ZNF529: variants seen among roughly 807,000 people sequenced by gnomAD.
ZNF529 encodes zinc finger protein 529.
Under a neutral mutation model 10.1 loss-of-function variants are expected in ZNF529, and 11 were observed. The observed-to-expected ratio is 1.09, with a 90% CI of 0.69 to 1.81. ZNF529 has a LOEUF of 1.81. Ranked by LOEUF, ZNF529 falls within the 40% of genes most tolerant of loss-of-function variation. ZNF529 has a pLI of 0.00. For synonymous variants in ZNF529, 204 were observed against 215.7 expected (o/e 0.95, Z 0.47); for missense variants, 624 against 666.8 (o/e 0.94, Z 0.71).
intron 2 of ZNF529, among the ~76,000 whole-genome samples, chr19:36,571,397 G>A (rs1036225641): frequency 3.9e-5 from 6 of 152,144 alleles, no homozygotes; most frequent in East Asian, 1.9e-4. Flanking sequence ...GTTTAAAGCC[G>A]GGCGCAGTGG....
intron 2 of ZNF529, among the ~76,000 whole-genome samples, chr19:36,558,991 AAAG>A (rs2035581821): frequency 6.6e-6 from 1 of 152,030 alleles, no homozygotes; most frequent in East Asian, 1.9e-4. Context: ...ACATTTTTGC[AAAG>A]AAGATATACA....
At chr19:36,595,513 T>C (rs1282658329) in intron 1 of ZNF529, among the ~76,000 whole-genome samples, 2 of 151,992 alleles carry the variant, frequency 1.3e-5, no homozygotes, top group Non-Finnish European at 1.5e-5. Flanking sequence ...CTAGACAACA[T>C]AGCAAGATCC....
intron 2 of ZNF529, among the ~76,000 whole-genome samples, chr19:36,561,111 G>A (rs548418824): frequency 2.6e-5 from 4 of 152,264 alleles, no homozygotes; most frequent in African/African-American, 7.2e-5. Context: ...CCCACAGTGC[G>A]AGGGCCTTGA....
rs868378019 is a variant in ZNF529, at chr19:36,571,070, C to T, written c.14+1263G>A. ...TTTTCACTTTTCCTAAGCTAATTAACACAGGATTACCTTTAATTTTAATTA... is the reference window on the plus strand; with the variant it reads ...TTTTCACTTTTCCTAAGCTAATTAATACAGGATTACCTTTAATTTTAATTA... On this transcript the variant is annotated intron_variant, in intron 2 of 4. Transcript: ENST00000591340. Among the ~76,000 whole-genome samples, 13 of 152,220 alleles carry T rather than the reference C, an allele frequency of 8.5e-5. No homozygotes were observed. The South Asian group carries it at 1.2e-3, about 15-fold the overall frequency.
chr19:36,562,219 A>T (rs115574447), intron 2 of ZNF529, among the ~76,000 whole-genome samples: 4 of 151,396 alleles, frequency 2.6e-5, no homozygotes, highest in Non-Finnish European at 4.4e-5. Context: ...GCCCAGGGGA[A>T]AAAAAAAAAG....
At chr19:36,574,908 T>C, upstream of ZNF529, 1 of 471,194 alleles carries the variant, frequency 2.1e-6, no homozygotes, top group Non-Finnish European at 4.4e-6. Flanking sequence ...TTGGTAAGTT[T>C]ACATTTAACT....
chr19:36,592,284 C>CAAA (rs35717465), intron 1 of ZNF529, among the ~76,000 whole-genome samples: 57 of 49,772 alleles, frequency 1.1e-3, no homozygotes, highest in East Asian at 2.6e-3. Context: ...GACTTTGTCT[C>CAAA]AAAAAAAAAA....
intron 2 of ZNF529, among the ~76,000 whole-genome samples, chr19:36,561,222 G>A (rs1338846533): frequency 6.6e-6 from 1 of 152,140 alleles, no homozygotes; most frequent in East Asian, 1.9e-4. Context: ...TCCCGGCACA[G>A]TGCTCCTTGG....
chr19:36,578,527 G>A (rs934696404), intron 2 of ZNF529, among the ~76,000 whole-genome samples: 23 of 151,016 alleles, frequency 1.5e-4, no homozygotes, highest in Non-Finnish European at 7.4e-5. Context: ...GGATGGTCTC[G>A]ATCTCCTGAC....
At chr19:36,570,900 T>G (rs541282333) in intron 2 of ZNF529, among the ~76,000 whole-genome samples, 3 of 152,342 alleles carry the variant, frequency 2.0e-5, no homozygotes, top group African/African-American at 7.2e-5. Flanking sequence ...TATGTCCATA[T>G]TAATGTATCC....
intron 1 of ZNF529, among the ~76,000 whole-genome samples, chr19:36,603,295 G>A (rs1313288981): frequency 1.3e-5 from 2 of 152,152 alleles, no homozygotes; most frequent in Non-Finnish European, 2.9e-5. Context: ...CAGGAGAAGT[G>A]AACATACTGT....
In ZNF529 at chr19:36,545,996, A is replaced by C. The variant is rs2034994642; in HGVS notation, c.*870T>G. 6.7e-6 allele frequency: 1 copy of C among 150,288 alleles called. No homozygotes were observed. The highest frequency in any genetic ancestry group is 2.4e-5 in the African/African-American group (1 of 41,050). The allele number at this position is 150,288 out of a possible 1,614,324, so 9.3% of individuals were successfully genotyped here. A position where few individuals can be genotyped will look rare whatever the true frequency, so the allele number is the denominator to read the frequency against. On this transcript the variant is annotated 3_prime_UTR_variant, in exon 5 of 5. Coordinates refer to ENST00000591340, the MANE Select transcript of ZNF529 (RefSeq NM_020951.5). ...TTCCAATATAACACACATACACACT[A>C]TATATATATAGTGCCCAGTATATAG...
chr19:36,568,347 A>G (rs1223442633), intron 2 of ZNF529, among the ~76,000 whole-genome samples: 1 of 152,178 alleles, frequency 6.6e-6, no homozygotes, highest in Non-Finnish European at 1.5e-5. Context: ...TGGAAGAAGC[A>G]GCCCAGTTCC....
rs191077147 is a variant in ZNF529 at position 36,556,001 on chromosome 19, C to T, written c.108+103G>A. The T allele has an allele frequency of 1.2e-4, 146 of 1,218,070 alleles. No homozygotes were observed. The Middle Eastern group carries it at 1.7e-3, about 14-fold the overall frequency. 75.5% of individuals were successfully genotyped at this position (1,218,070 alleles called of 1,614,324 possible). ...TTAGACTCCAGCCCTTACTAGAAAG[C>T]GAAGAAGTATGGGGTTGTGGTACAG... On this transcript the variant is annotated intron_variant, in intron 3 of 4. Transcript: ENST00000591340.
At chr19:36,550,704 CT>C (rs761330224) in intron 4 of ZNF529, among the ~76,000 whole-genome samples, 5 of 151,798 alleles carry the variant, frequency 3.3e-5, no homozygotes, top group African/African-American at 9.7e-5. Flanking sequence ...AACTTAAATG[CT>C]TTTTTTTAAA....
chr19:36,605,300 C>G (rs947902213), upstream of ZNF529: 3 of 152,382 alleles, frequency 2.0e-5, no homozygotes, highest in African/African-American at 7.2e-5. Context: ...GGCCCACGCG[C>G]GAGTGCGCAG....
chr19:36,586,817 A>G (rs2036589651), intron 2 of ZNF529, among the ~76,000 whole-genome samples: 1 of 152,192 alleles, frequency 6.6e-6, no homozygotes, highest in Admixed American at 6.5e-5. Flanking sequence ...AGTAATCCTA[A>G]ATCCTGTTGT....
rs142284787 is a variant in ZNF529, at chr19:36,554,382, G to T, written c.235+288C>A. Among the ~76,000 whole-genome samples, 953 of 152,252 alleles carry T rather than the reference G, an allele frequency of 6.3e-3. 5 individuals carry two copies. Among genetic ancestry groups the T allele is most frequent in the South Asian group, 0.01 (50 of 4,818 alleles). Reference sequence around the variant, plus strand: ...TCACAAGGTCAGGAGTTCAAGACCAGCCTGGCCAACATGGTGAAACCCTGT... The same window carrying T: ...TCACAAGGTCAGGAGTTCAAGACCATCCTGGCCAACATGGTGAAACCCTGT... On this transcript the variant is annotated intron_variant, in intron 4 of 4. Coordinates refer to ENST00000591340, the MANE Select transcript of ZNF529 (RefSeq NM_020951.5).
At chr19:36,553,615 A>G (rs1009875293) in intron 4 of ZNF529, among the ~76,000 whole-genome samples, 1 of 152,048 alleles carries the variant, frequency 6.6e-6, no homozygotes, top group Non-Finnish European at 1.5e-5. Context: ...ATGAATATGA[A>G]CTCTTTATCA....
Sources: gnomAD v4.1 joint callset for allele counts (sites outside exome capture counted in the v4.1 genomes callset) on GRCh38, gnomAD v4.1.1 for gene constraint, MANE v1.5 for transcripts, NCBI Gene and HGNC (gene_info 2026-07-23, HGNC 2026-07-21) for gene names.